SUMF1: variants seen among roughly 807,000 people sequenced by gnomAD.
SUMF1 encodes formylglycine-generating enzyme.
In SUMF1, 48 loss-of-function variants were observed where a neutral mutation model predicts 47.6. That is an observed-to-expected ratio of 1.01 (90% CI 0.80 to 1.28). SUMF1 has a LOEUF of 1.28. SUMF1 is among the 50% of genes most tolerant of loss of function. SUMF1 has a pLI of 0.00. For missense variants in SUMF1, 571 were observed against 485.4 expected, an observed-to-expected ratio of 1.18 and a Z score of -1.66; for synonymous variants, 230 against 192.1, an observed-to-expected ratio of 1.20 and a Z score of -1.63.
At chr3:4,092,598 TC>T (rs1181866388) in intron 8 of SUMF1, among the ~76,000 whole-genome samples, 1 of 152,136 alleles carries the variant, frequency 6.6e-6, no homozygotes, top group Non-Finnish European at 1.5e-5. Flanking sequence ...CTAGCCTGCC[TC>T]CAATCTTCTA....
At chr3:4,443,401 TAA>T (rs1702672388) in intron 3 of SUMF1, among the ~76,000 whole-genome samples, 1 of 151,726 alleles carries the variant, frequency 6.6e-6, no homozygotes, top group African/African-American at 2.4e-5. Flanking sequence ...AGAAATAAAA[TAA>T]AAAGTCATTT....
chr3:4,403,605 G>C (rs1322963945), intron 7 of SUMF1, among the ~76,000 whole-genome samples: 4 of 152,134 alleles, frequency 2.6e-5, no homozygotes, highest in East Asian at 1.9e-4. Context: ...GTCTGTACAA[G>C]GCAGAAGGAA....
At chr3:4,380,260 C>A (rs1700461901) in intron 7 of SUMF1, among the ~76,000 whole-genome samples, 2 of 152,166 alleles carry the variant, frequency 1.3e-5, no homozygotes, top group Non-Finnish European at 1.5e-5. Context: ...TGACTCATGT[C>A]CTTTGCAGCA....
chr3:4,036,301 T>C (rs1463469623), intron 9 of SUMF1, among the ~76,000 whole-genome samples: 2 of 152,172 alleles, frequency 1.3e-5, no homozygotes, highest in African/African-American at 4.8e-5. Context: ...TTGTGTGAAA[T>C]AGCTCATTTA....
intron 3 of SUMF1, among the ~76,000 whole-genome samples, chr3:4,437,501 T>A (rs777878655): frequency 1.1e-4 from 17 of 152,042 alleles, no homozygotes; most frequent in Non-Finnish European, 2.2e-4. Flanking sequence ...AATAAGATGG[T>A]AGAATTAAAT....
chr3:4,368,690 C>G (rs576003934), intron 8 of SUMF1, among the ~76,000 whole-genome samples: 6 of 152,132 alleles, frequency 3.9e-5, no homozygotes, highest in Non-Finnish European at 8.8e-5. Context: ...AATACACAAG[C>G]CCTGCATGCA....
chr3:4,383,698 C>T (rs1293251471), intron 7 of SUMF1, among the ~76,000 whole-genome samples: 1 of 152,116 alleles, frequency 6.6e-6, no homozygotes, highest in Admixed American at 6.5e-5. Flanking sequence ...CAGGATTCTC[C>T]GGCTGTGACA....
intron 8 of SUMF1, among the ~76,000 whole-genome samples, chr3:4,311,532 T>C (rs919185281): frequency 6.6e-6 from 1 of 152,218 alleles, no homozygotes; most frequent in Non-Finnish European, 1.5e-5. Context: ...GAAGAACACA[T>C]TGGTGGAATT....
At chr3:4,082,138 C>G (rs1249770782) in intron 8 of SUMF1, among the ~76,000 whole-genome samples, 2 of 152,090 alleles carry the variant, frequency 1.3e-5, no homozygotes, top group African/African-American at 4.8e-5. Context: ...ATTCTTTGAA[C>G]TACTTTTAAA....
At chr3:4,180,691 C>CACACACACACACACACACACACAG (rs1695076952) in intron 8 of SUMF1, among the ~76,000 whole-genome samples, 2 of 151,162 alleles carry the variant, frequency 1.3e-5, no homozygotes, top group South Asian at 2.1e-4. Context: ...TTAACACACA[C>CACACACACACACACACACACACAG]ACACACACAA....
intron 8 of SUMF1, among the ~76,000 whole-genome samples, chr3:4,351,935 G>A (rs1699510522): frequency 6.6e-6 from 1 of 152,170 alleles, no homozygotes; most frequent in Non-Finnish European, 1.5e-5. Flanking sequence ...AAAATCTGAA[G>A]AAGAAATAGA....
intron 1 of SUMF1, among the ~76,000 whole-genome samples, chr3:4,454,282 A>G (rs151106779): frequency 1.2e-3 from 189 of 152,358 alleles, no homozygotes; most frequent in African/African-American, 4.4e-3. Context: ...AACACTGAGC[A>G]CAGGATCTGA....
chr3:4,360,920 G>C (rs2125172167), downstream of SUMF1, among the ~76,000 whole-genome samples: 1 of 152,244 alleles, frequency 6.6e-6, no homozygotes, highest in East Asian at 1.9e-4. Context: ...CCTTTGACTT[G>C]GCATTATCTA....
chr3:4,411,040 G>T, intron 6 of SUMF1, 62 bp from the exon 7 acceptor site: 1 of 1,291,548 alleles, frequency 7.7e-7, no homozygotes, highest in Non-Finnish European at 1.1e-6. Context: ...AACATCTTCA[G>T]TGCAGAAATG....
At chr3:4,062,994 G>A (rs1473848029) in intron 9 of SUMF1, among the ~76,000 whole-genome samples, 1 of 152,134 alleles carries the variant, frequency 6.6e-6, no homozygotes, top group Non-Finnish European at 1.5e-5. Flanking sequence ...TGGAAGGAAA[G>A]ATGTCCTGAT....
intron 8 of SUMF1, among the ~76,000 whole-genome samples, chr3:4,127,772 A>G (rs895138178): frequency 6.6e-6 from 1 of 152,164 alleles, no homozygotes; most frequent in Non-Finnish European, 1.5e-5. Flanking sequence ...CTAGACGAAC[A>G]GAATATAAAG....
intron 8 of SUMF1, among the ~76,000 whole-genome samples, chr3:4,203,572 G>C (rs1183466144): frequency 2.0e-5 from 3 of 151,822 alleles, no homozygotes; most frequent in African/African-American, 4.8e-5. Flanking sequence ...GGAAAGTTTA[G>C]TCCAGTTACA....
chr3:4,120,462 C>T lies in SUMF1; in HGVS notation c.1015-51717G>A, dbSNP rs191947237. On this transcript the variant is annotated intron_variant and NMD_transcript_variant, in intron 8 of 12. Coordinates refer to the SUMF1 transcript ENST00000448413. ...AAGTAATCTTGGGCAGCTAAAATTA[C>T]AGGTTATTTGTGATGGTCTTGTACA... Among the ~76,000 whole-genome samples the T allele has an allele frequency of 4.9e-4, 75 of 152,268 alleles. 1 individual carries two copies. The highest frequency in any genetic ancestry group is 4.4e-4 in the Non-Finnish European group (30 of 68,018).
chr3:4,377,879 G>A (rs963028459), intron 7 of SUMF1, among the ~76,000 whole-genome samples: 4 of 152,054 alleles, frequency 2.6e-5, no homozygotes, highest in African/African-American at 7.2e-5. Context: ...GCAAGAGGCC[G>A]GGACAACCCC....
Sources: gnomAD v4.1 joint callset for allele counts (sites outside exome capture counted in the v4.1 genomes callset) on GRCh38, gnomAD v4.1.1 for gene constraint, MANE v1.5 for transcripts, NCBI Gene and HGNC (gene_info 2026-07-23, HGNC 2026-07-21) for gene names.